The following JPH3 variants were observed in gnomAD, a reference collection of about 807,000 sequenced individuals.
The protein encoded by JPH3 is junctophilin 3, also known as junctophilin-3.
A neutral mutation model predicts 59.6 loss-of-function variants in JPH3; 11 were observed. The observed-to-expected ratio is 0.18, with a 90% CI of 0.12 to 0.31. The LOEUF (loss-of-function observed/expected upper bound fraction) is 0.31, where lower values mean the gene tolerates loss of function less well. Ranked by LOEUF, JPH3 falls within the 10% of genes least tolerant of loss-of-function variation. JPH3 has a pLI of 1.00. For synonymous variants in JPH3, 673 were observed against 483.6 expected (o/e 1.39, Z -5.14); for missense variants, 1,202 against 1,105.7 (o/e 1.09, Z -1.24).
At chr16:87,623,951 A>C (rs970966268) in intron 1 of JPH3, among the ~76,000 whole-genome samples, 5 of 152,158 alleles carry the variant, frequency 3.3e-5, no homozygotes, top group African/African-American at 1.2e-4. Context: ...GTTGCCATTA[A>C]ACATGGCCTT....
rs1256435557 is a variant in JPH3 at position 87,697,839 on chromosome 16, G to C, written c.*1179G>C. ...CCTTATGTTTCTGCCTTCTCCACCA[G>C]GGTCGCTCCATCACCCAAACAAAAG... is the stretch of plus-strand genomic sequence containing the variant. On this transcript the variant is annotated 3_prime_UTR_variant, in exon 5 of 5. Coordinates refer to ENST00000284262, the MANE Select transcript of JPH3 (RefSeq NM_020655.4). 6.6e-6 allele frequency: 1 copy of C among 152,308 alleles called. No individual in the cohort carries two copies. The highest frequency in any genetic ancestry group is 1.5e-5 in the Non-Finnish European group (1 of 68,056). The allele number at this position is 152,308 out of a possible 1,614,324, so 9.4% of individuals were successfully genotyped here.
intron 2 of JPH3, among the ~76,000 whole-genome samples, chr16:87,662,616 C>T (rs1201168562): frequency 6.6e-6 from 1 of 152,190 alleles, no homozygotes; most frequent in Non-Finnish European, 1.5e-5. Context: ...CCCTGGTGGC[C>T]CCTCCAGAGT....
At chr16:87,663,313 G>T (rs1038630959) in intron 2 of JPH3, among the ~76,000 whole-genome samples, 5 of 152,092 alleles carry the variant, frequency 3.3e-5, no homozygotes, top group African/African-American at 1.2e-4. Context: ...TCACCACGTT[G>T]GTCAGGCTGG....
In JPH3 at chr16:87,608,273, GT is replaced by G. The variant is rs574327680; in HGVS notation, c.382+4749del. ...TTCCTTTCCAAGACTTTTTCTTCCT[GT>G]TTTCCCCAAGCCTCCACAACTCTAA... On this transcript the variant is annotated intron_variant, in intron 1 of 4. Coordinates refer to ENST00000284262, the MANE Select transcript of JPH3 (RefSeq NM_020655.4). Among the ~76,000 whole-genome samples the G allele has an allele frequency of 7.0e-4, 106 of 152,334 alleles. No homozygotes were observed. The Middle Eastern group carries it at 0.017, about 24-fold the overall frequency.
At chr16:87,603,790 C>T (rs950803449) in intron 1 of JPH3, among the ~76,000 whole-genome samples, 3 of 152,170 alleles carry the variant, frequency 2.0e-5, no homozygotes, top group Admixed American at 1.3e-4. Context: ...GCAGAGCCTC[C>T]GTGCGTCGGA....
rs903018544 is a variant in JPH3 at position 87,688,486 on chromosome 16, G to A, written c.1286-1160G>A. Among the ~76,000 whole-genome samples, 7 of 133,236 alleles carry A rather than the reference G, an allele frequency of 5.3e-5. No homozygotes were observed. In the South Asian group the frequency reaches 1.1e-3, roughly 20 times the overall value. 87.4% of individuals were successfully genotyped at this position (133,236 alleles called of 152,430 possible). ...CAAAAGGTCAGACTGGGGTACAGGCGTCTCCCAGACCTTCTCCTGCCAAAA... is the reference window on the plus strand; with the variant it reads ...CAAAAGGTCAGACTGGGGTACAGGCATCTCCCAGACCTTCTCCTGCCAAAA... On this transcript the variant is annotated intron_variant, in intron 3 of 4. Transcript: ENST00000284262.
chr16:87,691,535 G>A (rs2033573842), intron 4 of JPH3, among the ~76,000 whole-genome samples: 1 of 152,134 alleles, frequency 6.6e-6, no homozygotes, highest in African/African-American at 2.4e-5. Context: ...TATTGTCGAC[G>A]CTGCGGCAGG....
intron 2 of JPH3, among the ~76,000 whole-genome samples, chr16:87,677,276 G>T (rs2033176278): frequency 6.6e-6 from 1 of 151,092 alleles, no homozygotes; most frequent in South Asian, 2.1e-4. Context: ...CCAGCCACGT[G>T]GGAGGCTGAG....
Position 87,608,210 on chromosome 16 carries a change from G to A in JPH3, c.382+4682G>A, listed in dbSNP as rs144736535. Among the ~76,000 whole-genome samples the A allele has an allele frequency of 4.0e-3, 611 of 152,352 alleles. 1 individual carries two copies. Among genetic ancestry groups the A allele is most frequent in the African/African-American group, 0.014 (584 of 41,576 alleles). Reference sequence around the variant, plus strand: ...GACACCCAGCCGGAGAGAGCAAGAAGGGGTGGAGTGTGGGGGTGGGGGCAG... The same window carrying A: ...GACACCCAGCCGGAGAGAGCAAGAAAGGGTGGAGTGTGGGGGTGGGGGCAG... On this transcript the variant is annotated intron_variant, in intron 1 of 4. Coordinates refer to ENST00000284262, the MANE Select transcript of JPH3 (RefSeq NM_020655.4).
At position 87,690,209 on chromosome 16, in the gene JPH3, C is replaced by T. The variant is rs781413111; in HGVS notation, c.1849C>T (p.Pro617Ser). 2.4e-5 allele frequency: 39 copies of T among 1,603,378 alleles called. No individual in the cohort carries two copies. Among genetic ancestry groups the T allele is most frequent in the Non-Finnish European group, 3.1e-5 (37 of 1,175,602 alleles). Residue 617 changes from proline (P) to serine (S), a missense_variant, in exon 4 of 5, where the codon CCC becomes TCC. Pro to Ser is a moderately conservative substitution (Grantham distance 74, BLOSUM62 -1). Coordinates refer to ENST00000284262, the MANE Select transcript of JPH3 (RefSeq NM_020655.4). ...GAGCAACTACCGGATGGAGATGAAA[C>T]CCTTGCTGAGGATGGAGACGCATCC... ...KLSNYRMEMKPLLRMETHPQK... is the reference protein window; with the variant it reads ...KLSNYRMEMKSLLRMETHPQK...
chr16:87,634,440 G>A (rs1477979714), intron 1 of JPH3, among the ~76,000 whole-genome samples: 1 of 152,208 alleles, frequency 6.6e-6, no homozygotes, highest in East Asian at 1.9e-4. Context: ...AGCCACTTCT[G>A]AGTTCCCTCA....
In JPH3 at chr16:87,623,439, G is replaced by A. The variant is rs148850358; in HGVS notation, c.382+19911G>A. 1.2e-4 allele frequency among the ~76,000 whole-genome samples: 18 copies of A among 152,350 alleles called. No individual in the cohort carries two copies. In the East Asian group the frequency reaches 3.1e-3, roughly 26 times the overall value. On this transcript the variant is annotated intron_variant, in intron 1 of 4. Transcript: ENST00000284262. ...ATCCTGGGATGTTTGCTCCCGCTGT[G>A]TGGGGGACATGCCGTTTCCATGAGT...
At chr16:87,651,389 T>C (rs2032320481) in intron 2 of JPH3, among the ~76,000 whole-genome samples, 1 of 152,204 alleles carries the variant, frequency 6.6e-6, no homozygotes, top group Non-Finnish European at 1.5e-5. Flanking sequence ...AGAAATACAT[T>C]TAGTAAGGCT....
intron 2 of JPH3, among the ~76,000 whole-genome samples, chr16:87,650,947 T>G (rs1255904612): frequency 6.6e-6 from 1 of 152,258 alleles, no homozygotes; most frequent in African/African-American, 2.4e-5. Flanking sequence ...TGGAACAGCT[T>G]TCTATTGGAA....
rs1330518546 is a variant in JPH3, at chr16:87,645,037, TAGG to T, written c.1160+6_1160+8del. The T allele has an allele frequency of 6.3e-7, 1 of 1,598,538 alleles. No individual in the cohort carries two copies. Among genetic ancestry groups the T allele is most frequent in the African/African-American group, 1.3e-5 (1 of 74,722 alleles). On this transcript the variant is annotated splice_donor_5th_base_variant and intron_variant, in intron 2 of 4. Coordinates refer to ENST00000284262, the MANE Select transcript of JPH3 (RefSeq NM_020655.4). Reference sequence around the variant, plus strand: ...GAAGGCTGAGATCGCGGCTTCCAGGTAGGAGGGCGAGGGGGCGGGGGGCCCTTC... The same window carrying T: ...GAAGGCTGAGATCGCGGCTTCCAGGTAGGGCGAGGGGGCGGGGGGCCCTTC...
intron 1 of JPH3, among the ~76,000 whole-genome samples, chr16:87,636,095 C>T (rs2031735598): frequency 6.6e-6 from 1 of 152,232 alleles, no homozygotes; most frequent in African/African-American, 2.4e-5. Flanking sequence ...ACACTGGGTC[C>T]TGTCTTCATG....
intron 2 of JPH3, among the ~76,000 whole-genome samples, chr16:87,662,352 G>A (rs1339260310): frequency 1.3e-5 from 2 of 152,174 alleles, no homozygotes; most frequent in Admixed American, 6.5e-5. Context: ...AGCACATTCT[G>A]CATCTCCCAA....
At chr16:87,658,304 A>C (rs1247515113) in intron 2 of JPH3, among the ~76,000 whole-genome samples, 3 of 152,136 alleles carry the variant, frequency 2.0e-5, no homozygotes, top group African/African-American at 7.2e-5. Context: ...CTTTGAAAAA[A>C]GGGTGGGAGA....
chr16:87,657,229 A>G (rs2032532720), intron 2 of JPH3, among the ~76,000 whole-genome samples: 1 of 152,202 alleles, frequency 6.6e-6, no homozygotes, highest in Admixed American at 6.5e-5. Context: ...ACCAGACCTA[A>G]AAAAACAGTA....
Sources: gnomAD v4.1 joint callset for allele counts (sites outside exome capture counted in the v4.1 genomes callset) on GRCh38, gnomAD v4.1.1 for gene constraint, MANE v1.5 for transcripts, NCBI Gene and HGNC (gene_info 2026-07-23, HGNC 2026-07-21) for gene names.